Variants in TMTC1 observed in about 807,000 individuals in gnomAD.
The protein encoded by TMTC1 is protein O-mannosyl-transferase TMTC1.
TMTC1 carries 73 observed loss-of-function variants against 104.8 expected under a neutral mutation model. The observed-to-expected ratio is 0.70, with a 90% CI of 0.58 to 0.85. The LOEUF (loss-of-function observed/expected upper bound fraction) is 0.85. TMTC1 is among the 40% of genes least tolerant of loss of function. The pLI is 0.00. For missense variants in TMTC1, 1,035 were observed against 1,096.1 expected (o/e 0.94, Z 0.79); for synonymous variants, 434 against 428.7 (o/e 1.01, Z -0.15).
chr12:29,547,603 C>G lies in TMTC1; in HGVS notation c.1676+9254G>C, dbSNP rs76869346. ...AACTAGGAAAGTTCTCTATTTAAAA[C>G]CTCAGTCACAGTCTCTAAAATGTAA... On this transcript the variant is annotated intron_variant, in intron 10 of 17. Transcript: ENST00000539277. 6.7e-3 allele frequency among the ~76,000 whole-genome samples: 1,016 copies of G among 152,230 alleles called. 20 individuals are homozygous for G. The highest frequency in any genetic ancestry group is 0.055 in the East Asian group (283 of 5,174).
chr12:29,522,734 A>G (rs1944213550), intron 11 of TMTC1, among the ~76,000 whole-genome samples: 1 of 152,194 alleles, frequency 6.6e-6, no homozygotes, highest in Non-Finnish European at 1.5e-5. Flanking sequence ...GTTAAGAACG[A>G]GGCTCCCAAG....
chr12:29,642,673 C>T (rs1453290740), intron 5 of TMTC1, among the ~76,000 whole-genome samples: 1 of 152,064 alleles, frequency 6.6e-6, no homozygotes, highest in Non-Finnish European at 1.5e-5. Context: ...CGCCTGTAAT[C>T]CCAGCACTTT....
chr12:29,660,599 C>T (rs1180859840), intron 5 of TMTC1, among the ~76,000 whole-genome samples: 2 of 152,076 alleles, frequency 1.3e-5, no homozygotes, highest in African/African-American at 4.8e-5. Flanking sequence ...TCATTAAATC[C>T]ACATATCCCT....
intron 5 of TMTC1, among the ~76,000 whole-genome samples, chr12:29,644,072 TAGATAA>T (rs200541889): frequency 0.029 from 798 of 27,220 alleles, 73 homozygotes; most frequent in African/African-American, 0.11. Flanking sequence ...ATATAATTTA[TAGATAA>T]ATATAAATAT....
At chr12:29,718,981 A>G (rs1156993655) in intron 5 of TMTC1, among the ~76,000 whole-genome samples, 2 of 151,634 alleles carry the variant, frequency 1.3e-5, no homozygotes, top group African/African-American at 4.8e-5. Context: ...CATATTAGTC[A>G]GTAAACCTGT....
Position 29,644,149 on chromosome 12 carries a change from G to GTATA in TMTC1, c.939-10817_939-10814dup, listed in dbSNP as rs149004557. 2.8e-3 allele frequency among the ~76,000 whole-genome samples: 138 copies of GTATA among 49,384 alleles called. 4 individuals are homozygous for GTATA. Among genetic ancestry groups the GTATA allele is most frequent in the African/African-American group, 9.7e-3 (133 of 13,678 alleles). The allele number at this position is 49,384 out of a possible 152,430, so 32.4% of individuals were successfully genotyped here. A position where few individuals can be genotyped will look rare whatever the true frequency, so the allele number is the denominator to read the frequency against. On this transcript the variant is annotated intron_variant, in intron 5 of 17. Coordinates refer to ENST00000539277, the MANE Select transcript of TMTC1 (RefSeq NM_001193451.2). The stretch of plus-strand genomic sequence containing the variant: ...TGTGTGTGTGTGTGTGTGTGTGTGT[G>GTATA]TATATATATATATAATGAAATACTA...
chr12:29,553,040 T>C (rs568131582), intron 10 of TMTC1, among the ~76,000 whole-genome samples: 1 of 152,364 alleles, frequency 6.6e-6, no homozygotes, highest in South Asian at 2.1e-4. Context: ...TTCAGGGTGA[T>C]GGAAATCAAA....
At chr12:29,695,215 T>C (rs1941381858) in intron 5 of TMTC1, among the ~76,000 whole-genome samples, 1 of 152,208 alleles carries the variant, frequency 6.6e-6, no homozygotes, top group Non-Finnish European at 1.5e-5. Flanking sequence ...TTTGGGGCCA[T>C]GGGATAATCC....
intron 5 of TMTC1, among the ~76,000 whole-genome samples, chr12:29,637,759 G>T (rs372933681): frequency 1.3e-5 from 2 of 152,184 alleles, no homozygotes; most frequent in Admixed American, 6.5e-5. Context: ...GAAATGACAT[G>T]AGCCTAACAT....
rs1287211522 is a variant in TMTC1, at chr12:29,520,611, C to T, written c.1888+7G>A. 3 of 1,603,438 alleles carry T rather than the reference C, an allele frequency of 1.9e-6. No individual in the cohort carries two copies. The African/African-American group carries it at 4.0e-5, about 22-fold the overall frequency. ...CAGCAGTACAGTTTCTCTTTAATTT[C>T]ACTTACCAGTATCAACTAAGAAAAC... On this transcript the variant is annotated splice_region_variant and intron_variant, in intron 12 of 17. Coordinates refer to ENST00000539277, the MANE Select transcript of TMTC1 (RefSeq NM_001193451.2).
chr12:29,708,468 T>C (rs947942990), intron 5 of TMTC1, among the ~76,000 whole-genome samples: 1 of 152,216 alleles, frequency 6.6e-6, no homozygotes, highest in Admixed American at 6.5e-5. Context: ...CACTAGCTCT[T>C]AACCACTGAG....
Position 29,783,138 on chromosome 12 carries a change from G to A in TMTC1, c.302+312C>T. ...TTGGTCACGATCCGGCAGGCGAAGG[G>A]GTGCGGAGGCGGTTTCACCAGCCCG... On this transcript the variant is annotated intron_variant, in intron 1 of 17. Coordinates refer to ENST00000539277, the MANE Select transcript of TMTC1 (RefSeq NM_001193451.2). This position sits in a 1 kb window ranked among gnomAD's most constrained non-coding sequence, Gnocchi z 4.7. 3.1e-6 allele frequency: 1 copy of A among 317,796 alleles called. No individual in the cohort carries two copies. Among genetic ancestry groups the A allele is most frequent in the East Asian group, 4.9e-5 (1 of 20,288 alleles). The allele number at this position is 317,796 out of a possible 1,614,324, so 19.7% of individuals were successfully genotyped here. A position where few individuals can be genotyped will look rare whatever the true frequency, so the allele number is the denominator to read the frequency against.
chr12:29,526,792 AGTT>A (rs1308341102), intron 11 of TMTC1, among the ~76,000 whole-genome samples: 3 of 151,192 alleles, frequency 2.0e-5, no homozygotes, highest in Non-Finnish European at 2.9e-5. Context: ...TTGACAAAAA[AGTT>A]GTTTTTTTTC....
chr12:29,660,467 G>T (rs1378878438), intron 5 of TMTC1, among the ~76,000 whole-genome samples: 1 of 152,156 alleles, frequency 6.6e-6, no homozygotes, highest in South Asian at 2.1e-4. Flanking sequence ...AAAGCTGGGG[G>T]TGGTTTGTTA....
chr12:29,642,535 A>G (rs1166339558), intron 5 of TMTC1, among the ~76,000 whole-genome samples: 1 of 152,190 alleles, frequency 6.6e-6, no homozygotes, highest in Non-Finnish European at 1.5e-5. Flanking sequence ...CAGACAAACA[A>G]ATGCTGAGAG....
intron 5 of TMTC1, among the ~76,000 whole-genome samples, chr12:29,659,628 G>C (rs1939922225): frequency 6.6e-6 from 1 of 152,002 alleles, no homozygotes; most frequent in South Asian, 2.1e-4. Context: ...TTTTTTTATA[G>C]CAACAGAAAA....
At chr12:29,577,432 C>T (rs924557355) in intron 8 of TMTC1, among the ~76,000 whole-genome samples, 3 of 152,124 alleles carry the variant, frequency 2.0e-5, no homozygotes, top group Non-Finnish European at 4.4e-5. Context: ...GGGGTCCCTT[C>T]CTCTGCTTTT....
At chr12:29,553,036 G>A (rs1945146904) in intron 10 of TMTC1, among the ~76,000 whole-genome samples, 1 of 152,216 alleles carries the variant, frequency 6.6e-6, no homozygotes, top group African/African-American at 2.4e-5. Flanking sequence ...TAACTTCAGG[G>A]TGATGGAAAT....
Position 29,505,206 on chromosome 12 carries a change from C to T in TMTC1, c.*1640G>A, listed in dbSNP as rs890018318. On this transcript the variant is annotated 3_prime_UTR_variant, in exon 18 of 18. Transcript: ENST00000539277. ...AACAAATAATAACACTGGGGTAGTG[C>T]TTCCTGATACTGGGTTGAAAGAAGC... 6.6e-6 allele frequency: 1 copy of T among 152,204 alleles called. No individual in the cohort carries two copies. Among genetic ancestry groups the T allele is most frequent in the Non-Finnish European group, 1.5e-5 (1 of 68,022 alleles). The allele number at this position is 152,204 out of a possible 1,614,324, so 9.4% of individuals were successfully genotyped here. A position where few individuals can be genotyped will look rare whatever the true frequency, so the allele number is the denominator to read the frequency against.
Sources: gnomAD v4.1 joint callset for allele counts (sites outside exome capture counted in the v4.1 genomes callset) on GRCh38, gnomAD v4.1.1 for gene constraint, Gnocchi (gnomAD v3.1) non-coding constraint, MANE v1.5 for transcripts, NCBI Gene and HGNC (gene_info 2026-07-23, HGNC 2026-07-21) for gene names.